Variants in POLR1C observed in about 807,000 individuals in gnomAD.
POLR1C encodes the protein RNA polymerase I and III subunit C.
POLR1C carries 42 observed loss-of-function variants against 38.3 expected under a neutral mutation model. The observed-to-expected ratio is 1.10, with a 90% CI of 0.86 to 1.42. POLR1C has a LOEUF of 1.42. Ranked by LOEUF, POLR1C falls within the 40% of genes most tolerant of loss-of-function variation. The pLI is 0.00. For missense variants in POLR1C, 507 were observed against 450.5 expected, an observed-to-expected ratio of 1.13 and a Z score of -1.14; for synonymous variants, 163 against 163.9, an observed-to-expected ratio of 0.99 and a Z score of 0.04.
downstream of POLR1C, among the ~76,000 whole-genome samples, chr6:43,529,976 T>G (rs1793860185): frequency 6.6e-6 from 1 of 151,338 alleles, no homozygotes; most frequent in Non-Finnish European, 1.5e-5. Flanking sequence ...CTTTCACAGC[T>G]GGGCATGGTG....
At chr6:43,543,992 A>G (rs1021196719) in intron 9 of POLR1C, among the ~76,000 whole-genome samples, 31 of 152,304 alleles carry the variant, frequency 2.0e-4, no homozygotes, top group Admixed American at 1.1e-3. Context: ...AATTTACTAA[A>G]AAAGCAAAAC....
Position 43,539,250 on chromosome 6 carries a change from G to A in POLR1C, c.*4+9891G>A, listed in dbSNP as rs945313167. ...AGCTTGGCCAGGATGATGGCCCCAC[G>A]GGTGGCGGTGGCCACCTCCTTGGAG... On this transcript the variant is annotated intron_variant, in intron 9 of 10. Coordinates refer to the POLR1C transcript ENST00000607635. The A allele has an allele frequency of 1.8e-5, 24 of 1,367,402 alleles. 1 individual carries two copies. The highest frequency in any genetic ancestry group is 8.7e-5 in the Admixed American group (5 of 57,424). 84.7% of individuals were successfully genotyped at this position (1,367,402 alleles called of 1,614,324 possible).
At chr6:43,543,701 C>G (rs1254266850) in intron 9 of POLR1C, among the ~76,000 whole-genome samples, 1 of 151,684 alleles carries the variant, frequency 6.6e-6, no homozygotes, top group African/African-American at 2.4e-5. Context: ...GAGACGGAGT[C>G]TTCCCTGTTG....
At chr6:43,531,654 T>G, downstream of POLR1C, 6 of 1,275,544 alleles carry the variant, frequency 4.7e-6, no homozygotes, top group South Asian at 7.2e-5. Context: ...AGCAGGAAGC[T>G]GTTGTTCAGG....
At chr6:43,530,075 C>T (rs142522124), downstream of POLR1C, among the ~76,000 whole-genome samples, 768 of 151,924 alleles carry the variant, frequency 5.1e-3, 8 homozygotes, top group African/African-American at 0.018. Context: ...GCCAACATGG[C>T]GAAAACCTGT....
Position 43,519,679 on chromosome 6 carries a change from G to C in POLR1C, c.250-27G>C, listed in dbSNP as rs1174349951. 8 of 1,614,200 alleles carry C rather than the reference G, an allele frequency of 5.0e-6. 1 individual carries two copies. Among genetic ancestry groups the C allele is most frequent in the South Asian group, 2.2e-5 (2 of 91,082 alleles). On this transcript the variant is annotated intron_variant, in intron 3 of 8. Transcript: ENST00000642195. The stretch of plus-strand genomic sequence containing the variant: ...GTAGGGGGTCTGTTGGGTTTTTGCA[G>C]ATAAGTGGTTATTTTTCCTTGGGCA...
In POLR1C at chr6:43,519,752, C is replaced by A; in HGVS notation, c.296C>A (p.Ser99Tyr). Residue 99 changes from serine (S) to tyrosine (Y), a missense_variant, in exon 4 of 9, where the codon TCC (serine) becomes TAC (tyrosine). Physicochemically the swap from Ser to Tyr is moderately radical, Grantham distance 144. Coordinates refer to ENST00000642195, the MANE Select transcript of POLR1C (RefSeq NM_203290.4). Reference sequence around the variant, plus strand: ...AAGGTCCTGGTGTACAATAATACATCCATTGTTCAGGATGAGATTCTTGCT... The same window carrying A: ...AAGGTCCTGGTGTACAATAATACATACATTGTTCAGGATGAGATTCTTGCT... ...VEKVLVYNNT[S>Y]IVQDEILAHR... 6.8e-6 allele frequency: 11 copies of A among 1,613,828 alleles called. No homozygotes were observed. The highest frequency in any genetic ancestry group is 9.3e-6 in the Non-Finnish European group (11 of 1,179,816).
chr6:43,519,870 T>C (rs1793047146), intron 4 of POLR1C, 32 bp downstream of exon 4: 1 of 1,605,256 alleles, frequency 6.2e-7, no homozygotes, highest in African/African-American at 1.3e-5. Context: ...AGAAGTGGAC[T>C]ATCTGGGTTC....
chr6:43,523,683 A>G (rs1472777422), downstream of POLR1C: 1 of 923,590 alleles, frequency 1.1e-6, no homozygotes, highest in Admixed American at 1.7e-5. Context: ...CCCTTTCTTG[A>G]TACTTTAGTA....
At chr6:43,538,051 C>T (rs1389707352) in intron 9 of POLR1C, among the ~76,000 whole-genome samples, 6 of 129,972 alleles carry the variant, frequency 4.6e-5, no homozygotes, top group Non-Finnish European at 9.3e-5. Context: ...CACCAGTGCA[C>T]TCCAGCATGG....
At chr6:43,547,327 A>T (rs1226639158) in intron 9 of POLR1C, 6 of 488,198 alleles carry the variant, frequency 1.2e-5, no homozygotes, top group African/African-American at 1.2e-4. Flanking sequence ...CTGCTGACCA[A>T]GTTCTGACCT....
downstream of POLR1C, among the ~76,000 whole-genome samples, chr6:43,531,121 C>G (rs1793947939): frequency 6.6e-6 from 1 of 152,204 alleles, no homozygotes; most frequent in South Asian, 2.1e-4. Flanking sequence ...GTTACCTCCC[C>G]AACCCACAAC....
At chr6:43,539,426 A>G in intron 9 of POLR1C, 1 of 1,566,750 alleles carries the variant, frequency 6.4e-7, no homozygotes, top group Non-Finnish European at 8.7e-7. Flanking sequence ...AAAGTCAATG[A>G]TCTCTGATTC....
downstream of POLR1C, among the ~76,000 whole-genome samples, chr6:43,524,224 T>A (rs1793387323): frequency 6.6e-6 from 1 of 152,006 alleles, no homozygotes; most frequent in Admixed American, 6.6e-5. Context: ...TGGTGGTGCA[T>A]GCCTGTAATC....
intron 8 of POLR1C, chr6:43,528,681 G>A (rs1367317595): frequency 1.4e-6 from 1 of 737,024 alleles, no homozygotes. Flanking sequence ...CCTACAGCAA[G>A]GATAGTCAGC....
chr6:43,543,284 C>T (rs1794792273), intron 9 of POLR1C, among the ~76,000 whole-genome samples: 2 of 152,062 alleles, frequency 1.3e-5, no homozygotes, highest in African/African-American at 4.8e-5. Context: ...GAGAACCTAT[C>T]TCTACCAAAA....
At chr6:43,556,657 C>T (rs187621643) in intron 10 of POLR1C, among the ~76,000 whole-genome samples, 2 of 152,182 alleles carry the variant, frequency 1.3e-5, no homozygotes, top group Admixed American at 6.6e-5. Flanking sequence ...TCCAGCAATT[C>T]TACTCCTAGT....
Position 43,549,956 on chromosome 6 carries a change from G to T in POLR1C, c.*5-1012G>T, listed in dbSNP as rs1795148596. ...ATAGCTAAGGGAGAGGAGGAAAAAA[G>T]GTCACTCATGTTTATTTGTTTTAGA... On this transcript the variant is annotated intron_variant, in intron 9 of 10. Transcript: ENST00000607635. 3 of 1,610,064 alleles carry T rather than the reference G, an allele frequency of 1.9e-6. No homozygotes were observed. The East Asian group carries it at 6.7e-5, about 36-fold the overall frequency.
At chr6:43,524,074 G>A (rs1050357837), downstream of POLR1C, 26 of 1,565,200 alleles carry the variant, frequency 1.7e-5, no homozygotes, top group East Asian at 3.2e-4. Flanking sequence ...CTCTTGGCCC[G>A]GCGCAGTGGC....
Sources: gnomAD v4.1 joint callset for allele counts (sites outside exome capture counted in the v4.1 genomes callset) on GRCh38, gnomAD v4.1.1 for gene constraint, MANE v1.5 for transcripts, NCBI Gene and HGNC (gene_info 2026-07-23, HGNC 2026-07-21) for gene names.